BCL2: variants seen among roughly 807,000 people sequenced by gnomAD.
BCL2 encodes BCL2 apoptosis regulator.
BCL2 carries 1 observed loss-of-function variant against 14.2 expected under a neutral mutation model. The ratio of observed to expected loss-of-function variants is 0.07; its 90% CI spans 0.02 to 0.33. The LOEUF (loss-of-function observed/expected upper bound fraction) is 0.33, where lower values mean the gene tolerates loss of function less well. Ranked by LOEUF, BCL2 falls within the 10% of genes least tolerant of loss-of-function variation. The pLI is 0.99. For missense variants in BCL2, 247 were observed against 305.9 expected (o/e 0.81, Z 1.44); for synonymous variants, 151 against 137.2 (o/e 1.10, Z -0.70).
chr18:63,209,376 G>A (rs1909934430), intron 2 of BCL2, among the ~76,000 whole-genome samples: 1 of 152,184 alleles, frequency 6.6e-6, no homozygotes, highest in African/African-American at 2.4e-5. Flanking sequence ...GGACAGGGTT[G>A]GAAGTGGGGG....
At chr18:63,282,580 G>T (rs1912348585) in intron 2 of BCL2, among the ~76,000 whole-genome samples, 1 of 152,102 alleles carries the variant, frequency 6.6e-6, no homozygotes, top group Non-Finnish European at 1.5e-5. Context: ...TTCAAGGTCA[G>T]CTTTAACAAG....
intron 2 of BCL2, among the ~76,000 whole-genome samples, chr18:63,190,929 A>T (rs1440475799): frequency 6.6e-6 from 1 of 152,112 alleles, no homozygotes. Flanking sequence ...TTCAGCTCCC[A>T]TTTATAAGTG....
At chr18:63,206,654 G>A in intron 2 of BCL2, among the ~76,000 whole-genome samples, 1 of 152,214 alleles carries the variant, frequency 6.6e-6, no homozygotes, top group East Asian at 1.9e-4. Context: ...CCTCTAGTAA[G>A]TGCCAGGTGT....
chr18:63,140,048 A>T (rs1440846602), intron 2 of BCL2, among the ~76,000 whole-genome samples: 5 of 152,246 alleles, frequency 3.3e-5, no homozygotes, highest in Non-Finnish European at 7.3e-5. Context: ...GTGCATGAAG[A>T]GATGCTTCAC....
intron 2 of BCL2, among the ~76,000 whole-genome samples, chr18:63,232,033 A>G (rs925783728): frequency 5.3e-5 from 8 of 152,106 alleles, no homozygotes; most frequent in Non-Finnish European, 7.4e-5. Flanking sequence ...GGAATTTGGT[A>G]TGTGACAGAG....
intron 2 of BCL2, among the ~76,000 whole-genome samples, chr18:63,173,324 C>T (rs961653873): frequency 6.6e-6 from 1 of 152,126 alleles, no homozygotes; most frequent in Admixed American, 6.5e-5. Context: ...CTAGGCTCAC[C>T]GTTAAAATAC....
At chr18:63,314,307 T>C (rs1231378537) in intron 2 of BCL2, 1 of 152,244 alleles carries the variant, frequency 6.6e-6, no homozygotes, top group African/African-American at 2.4e-5. Context: ...TGCTCTTTCA[T>C]GTAATTTGTA....
intron 2 of BCL2, among the ~76,000 whole-genome samples, chr18:63,241,707 A>G (rs545961675): frequency 6.6e-6 from 1 of 152,348 alleles, no homozygotes; most frequent in Non-Finnish European, 1.5e-5. Flanking sequence ...AAAGAGCACA[A>G]TAGAATCTCA....
intron 2 of BCL2, among the ~76,000 whole-genome samples, chr18:63,188,463 C>G (rs1224851937): frequency 2.0e-5 from 3 of 152,136 alleles, no homozygotes; most frequent in Non-Finnish European, 2.9e-5. Context: ...ATCTTCAACA[C>G]TACTGAAGAA....
intron 2 of BCL2, among the ~76,000 whole-genome samples, chr18:63,175,733 G>A (rs778621786): frequency 6.6e-6 from 1 of 152,176 alleles, no homozygotes; most frequent in African/African-American, 2.4e-5. Context: ...GGGAGACAAA[G>A]TTGTCTGGAG....
intron 2 of BCL2, among the ~76,000 whole-genome samples, chr18:63,159,190 G>A (rs1464978458): frequency 6.6e-6 from 1 of 152,176 alleles, no homozygotes; most frequent in African/African-American, 2.4e-5. Context: ...AGACTGACTA[G>A]TGAGAAAAAG....
At chr18:63,284,101 C>A (rs954554158) in intron 2 of BCL2, among the ~76,000 whole-genome samples, 3 of 152,152 alleles carry the variant, frequency 2.0e-5, no homozygotes, top group African/African-American at 7.2e-5. Flanking sequence ...GTGCTGGCAG[C>A]CTTGGCCTGG....
chr18:63,175,361 G>A (rs1200346285), intron 2 of BCL2, among the ~76,000 whole-genome samples: 1 of 152,202 alleles, frequency 6.6e-6, no homozygotes, highest in Non-Finnish European at 1.5e-5. Context: ...ACCATCTGTT[G>A]TACTGCCTAG....
intron 2 of BCL2, among the ~76,000 whole-genome samples, chr18:63,136,785 T>C (rs567048086): frequency 6.6e-6 from 1 of 152,344 alleles, no homozygotes; most frequent in East Asian, 1.9e-4. Context: ...CTATGGAATG[T>C]CAATACCCCA....
intron 2 of BCL2, among the ~76,000 whole-genome samples, chr18:63,247,211 T>C (rs1911174261): frequency 6.6e-6 from 1 of 152,002 alleles, no homozygotes; most frequent in Admixed American, 6.5e-5. Context: ...TTTTTTTTTT[T>C]TTTTTGAGAC....
chr18:63,181,163 T>G (rs528823866), intron 2 of BCL2, among the ~76,000 whole-genome samples: 1 of 152,354 alleles, frequency 6.6e-6, no homozygotes, highest in East Asian at 1.9e-4. Context: ...CTTGTTTGGC[T>G]GCAGGTTACT....
At chr18:63,140,799 C>T (rs779627941) in intron 2 of BCL2, among the ~76,000 whole-genome samples, 14 of 152,124 alleles carry the variant, frequency 9.2e-5, no homozygotes, top group Non-Finnish European at 1.5e-4. Context: ...TTTTATGGCA[C>T]GTGAACTATA....
chr18:63,235,986 GAATTGTAGCTCCCAT>G (rs1190005510), intron 2 of BCL2, among the ~76,000 whole-genome samples: 1 of 152,122 alleles, frequency 6.6e-6, no homozygotes, highest in Non-Finnish European at 1.5e-5. Flanking sequence ...ATCTCACCTT[GAATTGTAGCTCCCAT>G]AATCCCCACG....
chr18:63,162,551 G>A (rs1017679105), intron 2 of BCL2, among the ~76,000 whole-genome samples: 6 of 152,154 alleles, frequency 3.9e-5, no homozygotes, highest in African/African-American at 9.7e-5. Flanking sequence ...CAGCTGGCCA[G>A]CATTCTAGAT....
Sources: allele counts gnomAD v4.1 joint callset (sites outside exome capture counted in the v4.1 genomes callset), GRCh38; gene constraint gnomAD v4.1.1; transcripts MANE v1.5; gene names NCBI Gene and HGNC (gene_info 2026-07-23, HGNC 2026-07-21).